PEX5: variants seen among roughly 807,000 people sequenced by gnomAD.
PEX5 encodes peroxisomal biogenesis factor 5, also known as PTS1 receptor.
PEX5 carries 52 observed loss-of-function variants against 82.9 expected under a neutral mutation model. The ratio of observed to expected loss-of-function variants is 0.63; its 90% CI spans 0.50 to 0.79. The LOEUF (loss-of-function observed/expected upper bound fraction) is 0.79, where lower values mean the gene tolerates loss of function less well. Ranked by LOEUF, PEX5 falls within the 30% of genes least tolerant of loss-of-function variation. The probability of loss-of-function intolerance (pLI) is 0.00; values close to 1 mark genes in which losing one functional copy is unlikely to be tolerated. For synonymous variants in PEX5, 300 were observed against 318.8 expected, an observed-to-expected ratio of 0.94 and a Z score of 0.63; for missense variants, 719 against 815.2, an observed-to-expected ratio of 0.88 and a Z score of 1.44.
intron 6 of PEX5, among the ~76,000 whole-genome samples, chr12:7,200,245 C>G (rs1333982194): frequency 4.7e-5 from 7 of 150,116 alleles, no homozygotes; most frequent in Non-Finnish European, 1.0e-4. Context: ...TCCTCACATC[C>G]CAGACGGGGC....
chr12:7,190,099 G>T (rs1940696419), intron 1 of PEX5: 1 of 1,489,812 alleles, frequency 6.7e-7, no homozygotes, highest in Non-Finnish European at 8.8e-7. Context: ...GCAGCTGCTG[G>T]CCCCCAGCCC....
chr12:7,209,356 C>T (rs983416105), intron 14 of PEX5, among the ~76,000 whole-genome samples, 186 bp downstream of exon 14: 1 of 152,038 alleles, frequency 6.6e-6, no homozygotes, highest in Admixed American at 6.6e-5. Context: ...CCTGCCCACC[C>T]CCACAAAAAA....
downstream of PEX5, among the ~76,000 whole-genome samples, chr12:7,214,747 T>TAA (rs1004731521): frequency 6.6e-6 from 1 of 151,994 alleles, no homozygotes; most frequent in Non-Finnish European, 1.5e-5. Flanking sequence ...ATTATTCTCT[T>TAA]AAAAAATTGT....
rs867997852 is a variant in PEX5 at position 7,200,218 on chromosome 12, C to T, written c.551+1105C>T. 4.4e-3 allele frequency among the ~76,000 whole-genome samples: 627 copies of T among 143,064 alleles called. 6 individuals are homozygous for T. The highest frequency in any genetic ancestry group is 0.015 in the African/African-American group (595 of 38,584). The allele number at this position is 143,064 out of a possible 152,430, so 93.9% of individuals were successfully genotyped here. ...GCTCCTCACCTCCCAGACGGGGTCGCGGCCAGGCAGAGGCGCTCCTCACAT... is the reference window on the plus strand; with the variant it reads ...GCTCCTCACCTCCCAGACGGGGTCGTGGCCAGGCAGAGGCGCTCCTCACAT... On this transcript the variant is annotated intron_variant, in intron 6 of 15. Coordinates refer to ENST00000675855, the MANE Select transcript of PEX5 (RefSeq NM_001351132.2).
At chr12:7,189,864 TG>T in intron 1 of PEX5, 114 bp downstream of exon 1, 1 of 1,317,688 alleles carries the variant, frequency 7.6e-7, no homozygotes, top group East Asian at 2.9e-5. Flanking sequence ...GCCGGGGAGA[TG>T]GGCGGTGGGG....
rs764830682 is a variant in PEX5 at position 7,191,079 on chromosome 12, A to G, written c.184-147A>G. 58 of 1,206,462 alleles carry G rather than the reference A, an allele frequency of 4.8e-5. No individual in the cohort carries two copies. In the African/African-American group the frequency reaches 6.0e-4, roughly 12 times the overall value. 74.7% of individuals were successfully genotyped at this position (1,206,462 alleles called of 1,614,324 possible). ...TGTATTTTTTCGTCCTTCTAAATCTATGGAAAGACAGTTTCTCTTTATGTG... is the reference window on the plus strand; with the variant it reads ...TGTATTTTTTCGTCCTTCTAAATCTGTGGAAAGACAGTTTCTCTTTATGTG... On this transcript the variant is annotated intron_variant, in intron 3 of 15. Coordinates refer to ENST00000675855, the MANE Select transcript of PEX5 (RefSeq NM_001351132.2).
chr12:7,211,434 A>G lies in PEX5; in HGVS notation c.*1211A>G, dbSNP rs1945560729. 6.6e-6 allele frequency: 1 copy of G among 152,262 alleles called. No homozygotes were observed. The highest frequency in any genetic ancestry group is 2.4e-5 in the African/African-American group (1 of 41,458). The allele number at this position is 152,262 out of a possible 1,614,324, so 9.4% of individuals were successfully genotyped here. A position where few individuals can be genotyped will look rare whatever the true frequency, so the allele number is the denominator to read the frequency against. ...AATATGTGTAAATGATTTAAAAATA[A>G]AACTGTAAAATATTTGTACGAAGAA... On this transcript the variant is annotated 3_prime_UTR_variant, in exon 16 of 16. Transcript: ENST00000675855.
chr12:7,198,670 G>A lies in PEX5; in HGVS notation c.449-341G>A, dbSNP rs1943181992. Among the ~76,000 whole-genome samples the A allele has an allele frequency of 6.6e-5, 10 of 152,144 alleles. No homozygotes were observed. In the South Asian group the frequency reaches 2.1e-3, roughly 31 times the overall value. ...ACTGGCTCCCTGCTGTACTTCTGAG[G>A]AAAGTGAAAGCCCTTCCGCTTCCTA... On this transcript the variant is annotated intron_variant, in intron 5 of 15. Coordinates refer to ENST00000675855, the MANE Select transcript of PEX5 (RefSeq NM_001351132.2).
chr12:7,199,188 C>A, intron 6 of PEX5, 75 bp downstream of exon 6: 2 of 713,320 alleles, frequency 2.8e-6, no homozygotes, highest in Non-Finnish European at 5.0e-6. Flanking sequence ...CATCCACGTT[C>A]TCGAACCAAC....
At chr12:7,209,861 A>G (rs778055870) in intron 15 of PEX5, 21 bp downstream of exon 15, 3 of 1,613,842 alleles carry the variant, frequency 1.9e-6, no homozygotes, top group East Asian at 2.2e-5. Context: ...CTATTGAGAA[A>G]TGAATGAATG....
chr12:7,201,274 CACACATAG>C (rs1197040610), intron 6 of PEX5, among the ~76,000 whole-genome samples: 31 of 116,508 alleles, frequency 2.7e-4, no homozygotes, highest in Non-Finnish European at 3.9e-4. Flanking sequence ...CATGTATACA[CACACATAG>C]ACATACATGT....
At position 7,200,106 on chromosome 12, in the gene PEX5, G is replaced by A. The variant is rs754167288; in HGVS notation, c.551+993G>A. ...CTCCCTCCCGGACGGGGTGGCTGCC[G>A]GGCGGAGACGCTCCTCACTTCCCAG... On this transcript the variant is annotated intron_variant, in intron 6 of 15. Coordinates refer to ENST00000675855, the MANE Select transcript of PEX5 (RefSeq NM_001351132.2). Among the ~76,000 whole-genome samples, 25 of 148,896 alleles carry A rather than the reference G, an allele frequency of 1.7e-4. No individual in the cohort carries two copies. The East Asian group carries it at 4.1e-3, about 24-fold the overall frequency.
intron 5 of PEX5, among the ~76,000 whole-genome samples, chr12:7,196,272 A>ATATATGTCATATATAATTTAAT (rs1410148539): frequency 3.2e-5 from 2 of 62,496 alleles, no homozygotes; most frequent in East Asian, 3.0e-4. Flanking sequence ...GTCATAATTT[A>ATATATGTCATATATAATTTAAT]TATATGTCAT....
intron 5 of PEX5, among the ~76,000 whole-genome samples, chr12:7,195,214 TATATG>T (rs746324305): frequency 7.9e-5 from 12 of 152,138 alleles, no homozygotes; most frequent in African/African-American, 2.7e-4. Flanking sequence ...AACGAGAAAT[TATATG>T]AGGTGCACAT....
chr12:7,201,918 T>A, intron 7 of PEX5, 77 bp downstream of exon 7: 1 of 1,063,710 alleles, frequency 9.4e-7, no homozygotes, highest in Non-Finnish European at 1.5e-6. Flanking sequence ...CTTACCCCAG[T>A]TTAGTTTAAA....
At chr12:7,214,711 TATA>T (rs767633120), downstream of PEX5, among the ~76,000 whole-genome samples, 165 of 140,520 alleles carry the variant, frequency 1.2e-3, no homozygotes, top group African/African-American at 3.9e-3. Context: ...AAACTTAAAG[TATA>T]ATAATAATAA....
chr12:7,200,120 C>T (rs1376113508), intron 6 of PEX5, among the ~76,000 whole-genome samples: 1 of 150,712 alleles, frequency 6.6e-6, no homozygotes, highest in Admixed American at 6.6e-5. Flanking sequence ...GGAGACGCTC[C>T]TCACTTCCCA....
chr12:7,198,776 G>A (rs991921938), intron 5 of PEX5, among the ~76,000 whole-genome samples: 8 of 152,130 alleles, frequency 5.3e-5, no homozygotes, highest in African/African-American at 1.2e-4. Flanking sequence ...TTGATCTCCC[G>A]TTCCCAACTC....
At chr12:7,202,393 G>A in intron 8 of PEX5, 42 bp downstream of exon 8, 1 of 1,610,840 alleles carries the variant, frequency 6.2e-7, no homozygotes, top group Non-Finnish European at 8.5e-7. Context: ...AGAGCCAGCT[G>A]ATGCCCCAGG....
Sources: gnomAD v4.1 joint callset for allele counts (sites outside exome capture counted in the v4.1 genomes callset) on GRCh38, gnomAD v4.1.1 for gene constraint, MANE v1.5 for transcripts, NCBI Gene and HGNC (gene_info 2026-07-23, HGNC 2026-07-21) for gene names.